The following LDB1 variants were observed in gnomAD, a reference collection of about 807,000 sequenced individuals.
LDB1 encodes the protein LIM domain-binding protein 1.
Under a neutral mutation model 49.7 loss-of-function variants are expected in LDB1, and 6 were observed. That is an observed-to-expected ratio of 0.12 (90% confidence interval 0.07 to 0.24). The LOEUF is 0.24. LDB1 is among the 10% of genes least tolerant of loss of function. The probability of loss-of-function intolerance (pLI) is 1.00; values close to 1 mark genes in which losing one functional copy is unlikely to be tolerated. For synonymous variants in LDB1, 233 were observed against 202.0 expected (o/e 1.15, Z -1.30); for missense variants, 341 against 561.7 (o/e 0.61, Z 3.97).
At chr10:102,114,769 G>C (rs544563933) in intron 1 of LDB1, 1 of 920,902 alleles carries the variant, frequency 1.1e-6, no homozygotes. Context: ...CCTCCTTCTC[G>C]GCTCTCCCCG....
At chr10:102,108,950 T>C in intron 10 of LDB1, 79 bp downstream of exon 10, 1 of 1,569,246 alleles carries the variant, frequency 6.4e-7, no homozygotes, top group Non-Finnish European at 8.8e-7. Flanking sequence ...CTACGCCTGC[T>C]AGTGAGCTCA....
downstream of LDB1, among the ~76,000 whole-genome samples, chr10:102,103,328 TTTTG>T (rs1373076884): frequency 1.1e-5 from 1 of 88,660 alleles, no homozygotes; most frequent in Non-Finnish European, 2.0e-5. Flanking sequence ...ACTGCACCTG[TTTTG>T]TTGTTGTTGT....
At chr10:102,103,329 TTTGTTG>T (rs141197540), downstream of LDB1, among the ~76,000 whole-genome samples, 45 of 150,262 alleles carry the variant, frequency 3.0e-4, no homozygotes, top group African/African-American at 7.8e-4. Flanking sequence ...CTGCACCTGT[TTTGTTG>T]TTGTTGTTGT....
At chr10:102,108,904 T>C (rs769985757) in intron 10 of LDB1, 125 bp downstream of exon 10, 14 of 1,291,764 alleles carry the variant, frequency 1.1e-5, no homozygotes, top group East Asian at 2.3e-5. Flanking sequence ...AGTTAGCCCA[T>C]GCTGGCAGAG....
chr10:102,111,319 T>C lies in LDB1; in HGVS notation c.129-19A>G. On this transcript the variant is annotated intron_variant, in intron 2 of 10. Transcript: ENST00000673968. ...AGTTGGGCTGTGTAAAGGAAGAGGC[T>C]ATGAGAATGGGGGTTGAAGATAGGA... is the stretch of plus-strand genomic sequence containing the variant. 1 of 1,613,534 alleles carries C rather than the reference T, an allele frequency of 6.2e-7. No homozygotes were observed. Among genetic ancestry groups the C allele is most frequent in the Non-Finnish European group, 8.5e-7 (1 of 1,179,526 alleles).
chr10:102,104,495 A>C (rs191781323), downstream of LDB1, among the ~76,000 whole-genome samples: 36 of 152,290 alleles, frequency 2.4e-4, no homozygotes, highest in East Asian at 6.7e-3. Context: ...AACAAAGGGC[A>C]TGAGGGTTTT....
At chr10:102,102,461 C>T (rs945929951), downstream of LDB1, among the ~76,000 whole-genome samples, 3 of 152,150 alleles carry the variant, frequency 2.0e-5, no homozygotes, top group African/African-American at 7.2e-5. Flanking sequence ...CCTAGGTCCT[C>T]CTCTTGTAGA....
At chr10:102,106,326 T>C (rs2068159206), downstream of LDB1, among the ~76,000 whole-genome samples, 3 of 151,306 alleles carry the variant, frequency 2.0e-5, no homozygotes, top group Admixed American at 2.0e-4. Flanking sequence ...CTTTAGGGTC[T>C]TGGGTGAAGG....
chr10:102,110,201 C>A (rs1476686991), intron 6 of LDB1, among the ~76,000 whole-genome samples, 158 bp from the exon 7 acceptor site: 1 of 152,040 alleles, frequency 6.6e-6, no homozygotes, highest in Non-Finnish European at 1.5e-5. Context: ...TACCCCCCAC[C>A]CATATACCTG....
At position 102,111,088 on chromosome 10, in the gene LDB1, C is replaced by T. The variant is rs777243026; in HGVS notation, c.230G>A (p.Arg77Gln). 2.5e-6 allele frequency: 4 copies of T among 1,614,128 alleles called. No homozygotes were observed. The highest frequency in any genetic ancestry group is 3.4e-6 in the Non-Finnish European group (4 of 1,180,018). ...TDYRIFELNK[R>Q]LQNWTEECDN... ...CCATACCTCTGTCCAGTTCTGAAGC[C>T]GTTTGTTAAGCTCAAATATTCTGTA... Residue 77 changes from arginine (R) to glutamine (Q), a missense_variant, in exon 4 of 11, where the codon CGG becomes CAG. Physicochemically the swap from Arg to Gln is conservative, Grantham distance 43 (BLOSUM62 1). Coordinates refer to ENST00000673968, the MANE Select transcript of LDB1 (RefSeq NM_001113407.3).
At chr10:102,120,451 TCGCGCTCG>T (rs1329194080), upstream of LDB1, 1 of 947,758 alleles carries the variant, frequency 1.1e-6, no homozygotes, top group Non-Finnish European at 1.3e-6. Flanking sequence ...CTCTCCGCCC[TCGCGCTCG>T]CGCTCCCTCG....
At position 102,106,903 on chromosome 10, in the gene LDB1, C is replaced by G. The variant is rs2068169444; in HGVS notation, c.*1190G>C. ...GGCAGGGGATACTGGCAGGTGAAGA[C>G]CCTCTACCTCTACCTCACCTATGGG... On this transcript the variant is annotated 3_prime_UTR_variant, in exon 11 of 11. Coordinates refer to ENST00000673968, the MANE Select transcript of LDB1 (RefSeq NM_001113407.3). Among the ~76,000 whole-genome samples, 1 of 152,124 alleles carries G rather than the reference C, an allele frequency of 6.6e-6. No homozygotes were observed. Among genetic ancestry groups the G allele is most frequent in the Non-Finnish European group, 1.5e-5 (1 of 68,012 alleles).
rs1382583400 is a variant in LDB1, at chr10:102,106,742, T to C, written c.*1351A>G. Reference sequence around the variant, plus strand: ...TGGGGAGAGAGGTGGTGTTAGCACTTCCTGGGACTGGCCACAGGAAAAGGC... The same window carrying C: ...TGGGGAGAGAGGTGGTGTTAGCACTCCCTGGGACTGGCCACAGGAAAAGGC... On this transcript the variant is annotated 3_prime_UTR_variant, in exon 11 of 11. Coordinates refer to ENST00000673968, the MANE Select transcript of LDB1 (RefSeq NM_001113407.3). 6.6e-6 allele frequency among the ~76,000 whole-genome samples: 1 copy of C among 151,764 alleles called. No individual in the cohort carries two copies. Among genetic ancestry groups the C allele is most frequent in the Non-Finnish European group, 1.5e-5 (1 of 67,954 alleles).
chr10:102,118,658 T>A (rs1336233395), intron 1 of LDB1, among the ~76,000 whole-genome samples: 2 of 152,194 alleles, frequency 1.3e-5, no homozygotes, highest in Non-Finnish European at 2.9e-5. Context: ...CTTGTTCAGA[T>A]CCTTAGTTTA....
At chr10:102,114,560 G>A (rs554253281) in intron 1 of LDB1, 69 of 985,582 alleles carry the variant, frequency 7.0e-5, no homozygotes, top group Non-Finnish European at 7.8e-5. Context: ...TCCGCCGGCC[G>A]CACAAAGACT....
intron 1 of LDB1, among the ~76,000 whole-genome samples, chr10:102,112,372 C>G (rs1403519094): frequency 6.6e-6 from 1 of 152,176 alleles, no homozygotes; most frequent in Non-Finnish European, 1.5e-5. Context: ...ATTCCCACAT[C>G]CTATACTCTT....
At position 102,112,830 on chromosome 10, in the gene LDB1, A is replaced by AC. The variant is rs563962283; in HGVS notation, c.26-1295dup. ...TCACTAGTGTGTATCTGTGATGTGC[A>AC]CATGTCCTCTCTCTCACCTCACCTA... On this transcript the variant is annotated intron_variant, in intron 1 of 10. Transcript: ENST00000673968. Among the ~76,000 whole-genome samples the AC allele has an allele frequency of 9.2e-5, 14 of 152,298 alleles. No homozygotes were observed. The South Asian group carries it at 2.9e-3, about 32-fold the overall frequency.
At chr10:102,120,832 G>C (rs551769460), upstream of LDB1, among the ~76,000 whole-genome samples, 1 of 152,222 alleles carries the variant, frequency 6.6e-6, no homozygotes, top group Non-Finnish European at 1.5e-5. Context: ...GCCGGGGTGG[G>C]CAGTGTGGTG....
At chr10:102,103,763 G>A (rs574760688), downstream of LDB1, among the ~76,000 whole-genome samples, 3 of 152,026 alleles carry the variant, frequency 2.0e-5, no homozygotes, top group East Asian at 3.9e-4. Flanking sequence ...GCAGTGAGCC[G>A]AGATCATGCC....
Sources: allele counts gnomAD v4.1 joint callset (sites outside exome capture counted in the v4.1 genomes callset), GRCh38; gene constraint gnomAD v4.1.1; transcripts MANE v1.5; gene names NCBI Gene and HGNC (gene_info 2026-07-23, HGNC 2026-07-21).